The following SWT1 variants were observed in gnomAD, a reference collection of about 807,000 sequenced individuals.
The protein encoded by SWT1 is transcriptional protein SWT1.
SWT1 carries 33 observed loss-of-function variants against 107.3 expected under a neutral mutation model. The ratio of observed to expected loss-of-function variants is 0.31; its 90% CI spans 0.23 to 0.41. The LOEUF (loss-of-function observed/expected upper bound fraction) is 0.41, where lower values mean the gene tolerates loss of function less well. Among genes scored for constraint, SWT1 ranks in the 10% least tolerant of loss-of-function variants. SWT1 has a pLI of 1.00. For synonymous variants in SWT1, 345 were observed against 348.3 expected (o/e 0.99, Z 0.11); for missense variants, 898 against 1,028.9 (o/e 0.87, Z 1.74).
intron 16 of SWT1, among the ~76,000 whole-genome samples, chr1:185,240,034 G>T (rs539054228): frequency 6.6e-6 from 1 of 152,052 alleles, no homozygotes; most frequent in Non-Finnish European, 1.5e-5. Flanking sequence ...CTGTAAATGC[G>T]TGCAGCTTCA....
chr1:185,203,794 T>G (rs1658085811), intron 11 of SWT1, among the ~76,000 whole-genome samples: 2 of 152,184 alleles, frequency 1.3e-5, no homozygotes, highest in Non-Finnish European at 2.9e-5. Flanking sequence ...CTCTAATATA[T>G]GTGCATTTTA....
intron 15 of SWT1, chr1:185,227,326 C>G: frequency 4.1e-6 from 3 of 736,500 alleles, no homozygotes; most frequent in Non-Finnish European, 7.5e-6. Flanking sequence ...TTGCCAGTCT[C>G]TTCCACTTGG....
At chr1:185,245,562 A>C (rs1011438925) in intron 16 of SWT1, among the ~76,000 whole-genome samples, 1 of 152,188 alleles carries the variant, frequency 6.6e-6, no homozygotes, top group African/African-American at 2.4e-5. Context: ...CCAGTAACAT[A>C]GTTGTTTATT....
At position 185,174,741 on chromosome 1, in the gene SWT1, T is replaced by C. The variant is rs140052675; in HGVS notation, c.594T>C (p.Ser198=). The C allele has an allele frequency of 4.0e-5, 65 of 1,612,126 alleles. No individual in the cohort carries two copies. In the African/African-American group the frequency reaches 7.8e-4, roughly 19 times the overall value. The change falls in exon 5 of 19, where the codon TCT becomes TCC. Residue 198 remains serine (S), a synonymous_variant. Coordinates refer to ENST00000367500, the MANE Select transcript of SWT1 (RefSeq NM_017673.7). The part of the protein sequence containing the change: ...KGRNSKFRDN[S]EKCVLEKWKR... ...GAAACAGTAAATTTAGAGACAATTCTGAAAAATGTGTCTTAGAGAAATGGA... is the reference window on the plus strand; with the variant it reads ...GAAACAGTAAATTTAGAGACAATTCCGAAAAATGTGTCTTAGAGAAATGGA...
In SWT1 at chr1:185,290,740, ATC is replaced by A; in HGVS notation, c.2642_2643del (p.Ser881CysfsTer12). On this transcript the variant is annotated frameshift_variant, in exon 19 of 19. Transcript: ENST00000367500. LOFTEE classifies it high-confidence loss of function. ...AATATACCATGCAGCAGTGCAATGCATCTGTTTATATGGAGGCCAAAAACAGG... is the reference window on the plus strand; with the variant it reads ...AATATACCATGCAGCAGTGCAATGCATGTTTATATGGAGGCCAAAAACAGG... The part of the protein sequence containing the change: ...MEYTMQQCNA[S>X]VYMEAKNRGW... 6.2e-7 allele frequency: 1 copy of A among 1,611,736 alleles called. No homozygotes were observed. The highest frequency in any genetic ancestry group is 1.7e-5 in the Admixed American group (1 of 59,908).
At position 185,214,643 on chromosome 1, in the gene SWT1, G is replaced by T. The variant is rs1659074698; in HGVS notation, c.2109G>T (p.Gln703His). The T allele has an allele frequency of 1.2e-6, 2 of 1,608,264 alleles. No homozygotes were observed. The highest frequency in any genetic ancestry group is 1.7e-6 in the Non-Finnish European group (2 of 1,177,872). Residue 703 changes from glutamine (Q) to histidine (H), a missense_variant, in exon 14 of 19, where the codon CAG (glutamine) becomes CAT (histidine). Physicochemically the swap from Gln to His is conservative, Grantham distance 24 (BLOSUM62 0). This residue lies in a region of SWT1 where 382 missense variants were observed against 460.0 expected (regional missense o/e 0.83). Transcript: ENST00000367500. ...QTFAQVNNLL[Q>H]TFAEVKTKLK... The stretch of plus-strand genomic sequence containing the variant: ...TTGCTCAAGTAAACAACCTCCTTCA[G>T]ACATTTGCAGAGGTAAGATGCCTTT...
chr1:185,214,471 C>T lies in SWT1; in HGVS notation c.1973-36C>T, dbSNP rs772162252. 2.6e-6 allele frequency: 4 copies of T among 1,534,224 alleles called. No individual in the cohort carries two copies. The South Asian group carries it at 3.6e-5, about 14-fold the overall frequency. ...GACATTTTTATGATGTATACTCATT[C>T]TTCCATATTTTTCTGTCTTAATTTT... is the stretch of plus-strand genomic sequence containing the variant. On this transcript the variant is annotated intron_variant, in intron 13 of 18. Transcript: ENST00000367500.
rs538269493 is a variant in SWT1, at chr1:185,218,296, CTT to C, written c.2122-3551_2122-3550del. 2.0e-3 allele frequency among the ~76,000 whole-genome samples: 306 copies of C among 152,228 alleles called. 4 individuals are homozygous for C. The South Asian group carries it at 0.031, about 15-fold the overall frequency. On this transcript the variant is annotated intron_variant, in intron 14 of 18. Transcript: ENST00000367500. ...AGAAACTAAAATGGAGATAAACTAA[CTT>C]TATCATTTTCCAGATTTTTTTTTGG...
At chr1:185,287,810 T>C (rs1665032295) in intron 18 of SWT1, among the ~76,000 whole-genome samples, 1 of 152,186 alleles carries the variant, frequency 6.6e-6, no homozygotes, top group African/African-American at 2.4e-5. Flanking sequence ...TCTCAGCCAG[T>C]GATGACGGAA....
chr1:185,174,953 A>C lies in SWT1; in HGVS notation c.806A>C (p.Tyr269Ser), dbSNP rs765074698. 1 of 1,613,836 alleles carries C rather than the reference A, an allele frequency of 6.2e-7. No individual in the cohort carries two copies. Among genetic ancestry groups the C allele is most frequent in the Non-Finnish European group, 8.5e-7 (1 of 1,179,960 alleles). ...NSKTKQEERE[Y>S]LESSQVSLNV... ...AAGACTAAGCAGGAAGAAAGAGAATACCTGGAAAGCTCCCAGGTTTCATTA... is the reference window on the plus strand; with the variant it reads ...AAGACTAAGCAGGAAGAAAGAGAATCCCTGGAAAGCTCCCAGGTTTCATTA... Residue 269 changes from tyrosine (Y) to serine (S), a missense_variant, in exon 5 of 19, where the codon TAC becomes TCC. By Grantham distance (144) the Tyr-to-Ser change is moderately radical. Coordinates refer to ENST00000367500, the MANE Select transcript of SWT1 (RefSeq NM_017673.7).
intron 15 of SWT1, 136 bp downstream of exon 15, chr1:185,222,172 TG>T: frequency 7.9e-6 from 4 of 506,420 alleles, no homozygotes; most frequent in Non-Finnish European, 1.3e-5. Flanking sequence ...ATCAGGCTAG[TG>T]AGCCTGATGA....
Position 185,283,031 on chromosome 1 carries a change from A to G in SWT1, c.2573+6363A>G, listed in dbSNP as rs376189525. Among the ~76,000 whole-genome samples the G allele has an allele frequency of 2.6e-5, 4 of 152,314 alleles. No homozygotes were observed. In the East Asian group the frequency reaches 7.7e-4, roughly 29 times the overall value. Reference sequence around the variant, plus strand: ...AGGATAAATTAAAGGATACAAATGAACAGGTAGATGAAGAGGAGATACATA... The same window carrying G: ...AGGATAAATTAAAGGATACAAATGAGCAGGTAGATGAAGAGGAGATACATA... On this transcript the variant is annotated intron_variant, in intron 18 of 18. Coordinates refer to ENST00000367500, the MANE Select transcript of SWT1 (RefSeq NM_017673.7).
At chr1:185,183,108 G>A (rs1656165453) in intron 7 of SWT1, among the ~76,000 whole-genome samples, 2 of 150,178 alleles carry the variant, frequency 1.3e-5, no homozygotes, top group Admixed American at 6.6e-5. Flanking sequence ...CTGCATTCCA[G>A]TCTGGGCAAC....
chr1:185,228,113 G>C (rs1180702536), intron 15 of SWT1, among the ~76,000 whole-genome samples: 1 of 147,996 alleles, frequency 6.8e-6, no homozygotes, highest in Non-Finnish European at 1.5e-5. Flanking sequence ...TATCAAAAAA[G>C]TCTGGGAACC....
At chr1:185,191,564 ATT>A (rs1213661219) in intron 10 of SWT1, among the ~76,000 whole-genome samples, 1 of 152,126 alleles carries the variant, frequency 6.6e-6, no homozygotes, top group Non-Finnish European at 1.5e-5. Flanking sequence ...AGTCAGTGTT[ATT>A]ATTTTAGCTA....
At chr1:185,249,486 A>G (rs1661853621) in intron 16 of SWT1, among the ~76,000 whole-genome samples, 1 of 152,094 alleles carries the variant, frequency 6.6e-6, no homozygotes, top group Non-Finnish European at 1.5e-5. Context: ...ATCCCTTTAT[A>G]GGATTAGGTT....
intron 16 of SWT1, among the ~76,000 whole-genome samples, chr1:185,252,959 A>C (rs1288625476): frequency 8.2e-6 from 1 of 122,276 alleles, no homozygotes; most frequent in East Asian, 2.6e-4. Flanking sequence ...TGATTTTTGT[A>C]TAAGGTGTAA....
chr1:185,193,669 G>T (rs749433665), intron 10 of SWT1, among the ~76,000 whole-genome samples: 1 of 152,054 alleles, frequency 6.6e-6, no homozygotes, highest in Non-Finnish European at 1.5e-5. Context: ...GTTTCACCAT[G>T]TTGGCCAGGA....
intron 10 of SWT1, among the ~76,000 whole-genome samples, chr1:185,196,055 G>T (rs1267101270): frequency 6.6e-6 from 1 of 151,700 alleles, no homozygotes; most frequent in African/African-American, 2.4e-5. Flanking sequence ...TTTTAGTCAT[G>T]AAGTCTTTGC....
Sources: gnomAD v4.1 joint callset for allele counts (sites outside exome capture counted in the v4.1 genomes callset) on GRCh38, gnomAD v4.1.1 for gene constraint, gnomAD v4.1.1 regional missense constraint, MANE v1.5 for transcripts, NCBI Gene and HGNC (gene_info 2026-07-23, HGNC 2026-07-21) for gene names.